EXOC4: variants seen among roughly 807,000 people sequenced by gnomAD.
EXOC4 encodes exocyst complex component 4, also known as SEC8-like 1.
EXOC4 carries 71 observed loss-of-function variants against 107.2 expected under a neutral mutation model. The ratio of observed to expected loss-of-function variants is 0.66; its 90% CI spans 0.55 to 0.81. The LOEUF is 0.81. Among genes scored for constraint, EXOC4 ranks in the 30% least tolerant of loss-of-function variants. The pLI is 0.00. For missense variants in EXOC4, 1,108 were observed against 1,189.6 expected (o/e 0.93, Z 1.01); for synonymous variants, 456 against 441.2 (o/e 1.03, Z -0.42).
intron 12 of EXOC4, among the ~76,000 whole-genome samples, chr7:133,900,925 G>A (rs6972423): frequency 0.62 from 94,125 of 151,884 alleles, 31,576 homozygotes; most frequent in African/African-American, 0.89. Context: ...GCTGGAGTGC[G>A]GTGGCACGAT....
chr7:134,074,204 T>G, the EXOC4 span, among the ~76,000 whole-genome samples: 4 of 152,210 alleles, frequency 2.6e-5, no homozygotes, highest in Non-Finnish European at 5.9e-5. Context: ...GTCTCTTTCC[T>G]TTCTGCCACT....
chr7:133,821,833 CAT>C (rs1797529242), intron 11 of EXOC4, among the ~76,000 whole-genome samples: 2 of 152,068 alleles, frequency 1.3e-5, no homozygotes, highest in Admixed American at 6.6e-5. Flanking sequence ...TAGTGTCTGC[CAT>C]AGAGGAAACA....
At chr7:134,036,850 A>T (rs760757428) in intron 17 of EXOC4, among the ~76,000 whole-genome samples, 1 of 152,192 alleles carries the variant, frequency 6.6e-6, no homozygotes, top group African/African-American at 2.4e-5. Flanking sequence ...CTTAGCCCCC[A>T]GTAGTTTTTA....
chr7:133,466,240 A>G (rs930050949), intron 7 of EXOC4, among the ~76,000 whole-genome samples: 46 of 152,056 alleles, frequency 3.0e-4, no homozygotes, highest in Non-Finnish European at 4.7e-4. Flanking sequence ...TAACTGTAGG[A>G]AAAAAAAGTG....
intron 5 of EXOC4, among the ~76,000 whole-genome samples, chr7:133,355,522 T>G (rs1466400494): frequency 6.6e-6 from 1 of 152,112 alleles, no homozygotes. Context: ...AACAGAGATC[T>G]CCTATCAGCA....
chr7:134,047,998 T>C (rs1795695344), intron 17 of EXOC4, among the ~76,000 whole-genome samples: 1 of 152,192 alleles, frequency 6.6e-6, no homozygotes, highest in Non-Finnish European at 1.5e-5. Flanking sequence ...GATAATTTGG[T>C]GGGCAAGGGA....
chr7:133,681,736 A>G (rs1224372801), intron 10 of EXOC4, among the ~76,000 whole-genome samples: 1 of 152,010 alleles, frequency 6.6e-6, no homozygotes, highest in Non-Finnish European at 1.5e-5. Flanking sequence ...TAGCTTGCAT[A>G]TTGTATGAAT....
intron 10 of EXOC4, among the ~76,000 whole-genome samples, chr7:133,760,119 C>T (rs1247954319): frequency 6.6e-6 from 1 of 152,174 alleles, no homozygotes; most frequent in Non-Finnish European, 1.5e-5. Context: ...AATCAGGCTA[C>T]TCTCTTGGGA....
intron 14 of EXOC4, among the ~76,000 whole-genome samples, chr7:133,962,871 C>T (rs1033575223): frequency 2.0e-5 from 3 of 152,196 alleles, no homozygotes; most frequent in Non-Finnish European, 4.4e-5. Flanking sequence ...CAAAGGGCTA[C>T]GTTAATTCCA....
intron 10 of EXOC4, among the ~76,000 whole-genome samples, chr7:133,712,111 T>A (rs563290185): frequency 2.0e-5 from 3 of 152,188 alleles, no homozygotes; most frequent in South Asian, 4.2e-4. Flanking sequence ...AACATAAGAA[T>A]GCAAAATAAC....
intron 13 of EXOC4, among the ~76,000 whole-genome samples, chr7:133,935,072 C>T (rs912234595): frequency 7.9e-5 from 12 of 151,804 alleles, no homozygotes; most frequent in African/African-American, 2.7e-4. Flanking sequence ...AGCTCAAAAG[C>T]ATTTTTATTG....
intron 10 of EXOC4, among the ~76,000 whole-genome samples, chr7:133,739,104 C>T (rs527609760): frequency 6.6e-6 from 1 of 151,996 alleles, no homozygotes; most frequent in East Asian, 1.9e-4. Flanking sequence ...TTATGAATTC[C>T]CACCATGGTA....
intron 7 of EXOC4, among the ~76,000 whole-genome samples, chr7:133,461,944 T>G (rs1156594543): frequency 1.3e-5 from 2 of 152,112 alleles, no homozygotes; most frequent in African/African-American, 4.8e-5. Context: ...GGGTTTTAAT[T>G]AGAGTGAGAT....
chr7:133,859,008 G>A (rs1192913095), intron 11 of EXOC4, among the ~76,000 whole-genome samples: 1 of 151,996 alleles, frequency 6.6e-6, no homozygotes, highest in African/African-American at 2.4e-5. Context: ...CTTCTCCCCT[G>A]CCTCAAAACT....
chr7:133,860,182 G>A (rs1279351311), intron 11 of EXOC4, among the ~76,000 whole-genome samples: 1 of 152,180 alleles, frequency 6.6e-6, no homozygotes, highest in African/African-American at 2.4e-5. Flanking sequence ...GCCAATGCCT[G>A]TTTGTCCTTG....
At chr7:133,564,314 A>G (rs960729998) in intron 9 of EXOC4, among the ~76,000 whole-genome samples, 2 of 152,030 alleles carry the variant, frequency 1.3e-5, no homozygotes, top group African/African-American at 4.8e-5. Flanking sequence ...GGTGCCACAC[A>G]CTTTCAAACA....
At chr7:133,349,043 A>G (rs1795849231) in intron 5 of EXOC4, among the ~76,000 whole-genome samples, 1 of 152,180 alleles carries the variant, frequency 6.6e-6, no homozygotes, top group Non-Finnish European at 1.5e-5. Context: ...TCATGGATAA[A>G]TAGAGGACTT....
rs545267730 is a variant in EXOC4 at position 133,356,426 on chromosome 7, C to T, written c.860C>T (p.Ala287Val). ...LFMGILIKGLAKLKKIPETVK... is the reference protein window; with the variant it reads ...LFMGILIKGLVKLKKIPETVK... ...ATGGGTATCCTCATTAAGGGCTTGG[C>T]GAAACTGAAGAAGATCCCAGAAACA... is the stretch of plus-strand genomic sequence containing the variant. The change falls in exon 6 of 18, where the codon GCG (alanine) becomes GTG (valine). Residue 287 changes from alanine to valine, a missense_variant. Coordinates refer to ENST00000253861, the MANE Select transcript of EXOC4 (RefSeq NM_021807.4). 2.3e-5 allele frequency: 37 copies of T among 1,613,990 alleles called. No individual in the cohort carries two copies. The highest frequency in any genetic ancestry group is 5.5e-5 in the South Asian group (5 of 91,078).
intron 7 of EXOC4, among the ~76,000 whole-genome samples, chr7:133,456,275 T>G (rs1032056312): frequency 2.0e-5 from 3 of 152,192 alleles, no homozygotes; most frequent in African/African-American, 7.2e-5. Context: ...GGTCACCATG[T>G]GGCTGGAAAA....
Sources: gnomAD v4.1 joint callset for allele counts (sites outside exome capture counted in the v4.1 genomes callset) on GRCh38, gnomAD v4.1.1 for gene constraint, MANE v1.5 for transcripts, NCBI Gene and HGNC (gene_info 2026-07-23, HGNC 2026-07-21) for gene names.